Variants in MYH11 observed in about 807,000 individuals in gnomAD.
MYH11 encodes myosin-11.
A neutral mutation model predicts 246.6 loss-of-function variants in MYH11; 80 were observed. The observed-to-expected ratio is 0.32, with a 90% CI of 0.27 to 0.39. MYH11 has a LOEUF of 0.39. Ranked by LOEUF, MYH11 falls within the 10% of genes least tolerant of loss-of-function variation. MYH11 has a pLI of 1.00. For synonymous variants in MYH11, 1,071 were observed against 1,015.5 expected, an observed-to-expected ratio of 1.05 and a Z score of -1.04; for missense variants, 2,158 against 2,546.8, an observed-to-expected ratio of 0.85 and a Z score of 3.29.
chr16:15,810,454 C>G (rs990979210), intron 3 of MYH11, among the ~76,000 whole-genome samples: 9 of 152,120 alleles, frequency 5.9e-5, no homozygotes, highest in Admixed American at 3.3e-4. Flanking sequence ...CATGATTAGT[C>G]AGAGCACCAA....
intron 4 of MYH11, among the ~76,000 whole-genome samples, chr16:15,788,832 G>C (rs1171493284): frequency 6.6e-6 from 1 of 150,518 alleles, no homozygotes; most frequent in Non-Finnish European, 1.5e-5. Context: ...GTGTGTGTGT[G>C]TGTGTGTGTA....
At chr16:15,780,412 T>TA (rs953920086) in intron 6 of MYH11, among the ~76,000 whole-genome samples, 1 of 148,856 alleles carries the variant, frequency 6.7e-6, no homozygotes, top group African/African-American at 2.5e-5. Flanking sequence ...CTCATGGAGG[T>TA]AAAAATCTGT....
At chr16:15,856,087 A>T (rs1040032755) in intron 1 of MYH11, among the ~76,000 whole-genome samples, 1 of 152,184 alleles carries the variant, frequency 6.6e-6, no homozygotes, top group African/African-American at 2.4e-5. Flanking sequence ...CGAGAGTGGC[A>T]TTGACACAGG....
At chr16:15,766,347 GT>G (rs1567742460) in intron 9 of MYH11, among the ~76,000 whole-genome samples, 1,711 of 57,188 alleles carry the variant, frequency 0.03, 25 homozygotes, top group African/African-American at 0.097. Flanking sequence ...GTTTTTTGGT[GT>G]GTGTGTGTGT....
At chr16:15,725,358 C>A (rs1383282023) in intron 28 of MYH11, 1 of 558,626 alleles carries the variant, frequency 1.8e-6, no homozygotes, top group African/African-American at 1.9e-5. Context: ...AGACGAGGTG[C>A]TCTGGCTGGT....
At chr16:15,834,085 AT>A (rs2043825289) in intron 2 of MYH11, among the ~76,000 whole-genome samples, 1 of 150,568 alleles carries the variant, frequency 6.6e-6, no homozygotes, top group African/African-American at 2.4e-5. Flanking sequence ...TTTTTTTCTG[AT>A]TTCTATTTGA....
At chr16:15,849,976 G>A (rs1385826470) in intron 1 of MYH11, among the ~76,000 whole-genome samples, 1 of 152,176 alleles carries the variant, frequency 6.6e-6, no homozygotes, top group East Asian at 1.9e-4. Context: ...TCAAAGGGCT[G>A]AAACTGGACC....
At position 15,854,621 on chromosome 16, in the gene MYH11, T is replaced by C. The variant is rs193097748; in HGVS notation, c.-18+2320A>G. On this transcript the variant is annotated intron_variant, in intron 1 of 40. Coordinates refer to ENST00000300036, the MANE Select transcript of MYH11 (RefSeq NM_002474.3). ...CATGAGTTATTCTCATTAGCCCCAT[T>C]TCCCGGATGAGAAAGTGAGGTTTGG... is the stretch of plus-strand genomic sequence containing the variant. 3.3e-5 allele frequency among the ~76,000 whole-genome samples: 5 copies of C among 152,328 alleles called. 1 individual carries two copies. In the East Asian group the frequency reaches 9.6e-4, roughly 29 times the overall value.
intron 28 of MYH11, chr16:15,726,014 C>T (rs553602134): frequency 3.0e-5 from 8 of 270,056 alleles, no homozygotes; most frequent in African/African-American, 1.5e-4. Context: ...ATGTCTCTCT[C>T]CTAATTTTTC....
At chr16:15,729,043 C>T (rs567480636) in intron 27 of MYH11, among the ~76,000 whole-genome samples, 62 of 152,128 alleles carry the variant, frequency 4.1e-4, no homozygotes, top group Middle Eastern at 3.4e-3. Context: ...AGGTGCTGGA[C>T]GTTGACCGGT....
At chr16:15,734,621 T>G (rs1312980869) in intron 26 of MYH11, among the ~76,000 whole-genome samples, 1 of 152,148 alleles carries the variant, frequency 6.6e-6, no homozygotes, top group East Asian at 1.9e-4. Flanking sequence ...TATGTCTGCT[T>G]TTCTATAGTT....
At chr16:15,786,444 C>T in intron 5 of MYH11, 186 bp downstream of exon 5, 2 of 776,126 alleles carry the variant, frequency 2.6e-6, no homozygotes, top group Non-Finnish European at 4.7e-6. Flanking sequence ...TCTAGCTGAG[C>T]CAAGAAATCA....
Position 15,718,401 on chromosome 16 carries a change from G to T in MYH11, c.5209C>A (p.Arg1737=). 6.3e-7 allele frequency: 1 copy of T among 1,594,868 alleles called. No homozygotes were observed. Residue 1737 remains arginine, a synonymous_variant, in exon 37 of 41, where the codon CGG becomes AGG. Transcript: ENST00000300036. ...AGCTCCTCCTCCAGCTGGGCGATCC[G>T]GGCCTCCAGGCGGCGCTTCTCGTCC... The part of the protein sequence containing the change: ...LQDEKRRLEA[R]IAQLEEELEE...
At chr16:15,836,832 C>G (rs1248616699) in intron 2 of MYH11, among the ~76,000 whole-genome samples, 1 of 144,326 alleles carries the variant, frequency 6.9e-6, no homozygotes, top group African/African-American at 2.6e-5. Context: ...TCAAGCAATT[C>G]TCCTGCCTCA....
chr16:15,724,654 T>G lies in MYH11; in HGVS notation c.4109A>C (p.Asn1370Thr). 6.2e-7 allele frequency: 1 copy of G among 1,614,078 alleles called. No homozygotes were observed. Among genetic ancestry groups the G allele is most frequent in the South Asian group, 1.1e-5 (1 of 91,078 alleles). ...QNLERHISTL[N>T]IQLSDSKKKL... ...AGGACACGGGGCAGGCACCTGGATGTTGAGAGTGGAGATGTGGCGCTCCAG... is the reference window on the plus strand; with the variant it reads ...AGGACACGGGGCAGGCACCTGGATGGTGAGAGTGGAGATGTGGCGCTCCAG... The change falls in exon 30 of 41, where the codon AAC (asparagine) becomes ACC (threonine). Residue 1370 changes from asparagine (N) to threonine (T), a missense_variant. Transcript: ENST00000300036.
chr16:15,800,830 G>A (rs1410808656), intron 3 of MYH11, among the ~76,000 whole-genome samples: 3 of 152,062 alleles, frequency 2.0e-5, no homozygotes, highest in African/African-American at 7.2e-5. Context: ...TGGCCTGGTT[G>A]AACGAAATCC....
intron 12 of MYH11, 100 bp from the exon 13 acceptor site, chr16:15,758,100 G>T: frequency 1.3e-6 from 2 of 1,543,982 alleles, no homozygotes; most frequent in Non-Finnish European, 1.8e-6. Context: ...CCCATGGCCC[G>T]CCCACATCCT....
intron 9 of MYH11, among the ~76,000 whole-genome samples, chr16:15,764,295 C>T (rs558248589): frequency 6.6e-6 from 1 of 152,142 alleles, no homozygotes; most frequent in South Asian, 2.1e-4. Flanking sequence ...AATGTGTTAG[C>T]AACCCCTGCC....
rs554011379 is a variant in MYH11, at chr16:15,719,441, T to C, written c.5083-133A>G. Reference sequence around the variant, plus strand: ...GCTCAGGGGAGGCCCCGTGAATACATAGAGGAGGGAAGCGTGTGTCTTTCT... The same window carrying C: ...GCTCAGGGGAGGCCCCGTGAATACACAGAGGAGGGAAGCGTGTGTCTTTCT... On this transcript the variant is annotated intron_variant, in intron 35 of 40. Transcript: ENST00000300036. 336 of 1,475,956 alleles carry C rather than the reference T, an allele frequency of 2.3e-4. 1 individual carries two copies. The Middle Eastern group carries it at 2.5e-3, about 11-fold the overall frequency. The allele number at this position is 1,475,956 out of a possible 1,614,324, so 91.4% of individuals were successfully genotyped here. A position where few individuals can be genotyped will look rare whatever the true frequency, so the allele number is the denominator to read the frequency against.
Sources: gnomAD v4.1 joint callset for allele counts (sites outside exome capture counted in the v4.1 genomes callset) on GRCh38, gnomAD v4.1.1 for gene constraint, MANE v1.5 for transcripts, NCBI Gene and HGNC (gene_info 2026-07-23, HGNC 2026-07-21) for gene names.